PPARG: variants seen among roughly 807,000 people sequenced by gnomAD.
PPARG encodes the protein peroxisome proliferator activated receptor gamma, also known as peroxisome proliferator-activated receptor gamma.
A neutral mutation model predicts 39.2 loss-of-function variants in PPARG; 17 were observed. The observed-to-expected ratio is 0.43, with a 90% CI of 0.30 to 0.65. The LOEUF (loss-of-function observed/expected upper bound fraction) is 0.65, where lower values mean the gene tolerates loss of function less well. PPARG is among the 30% of genes least tolerant of loss of function. PPARG has a pLI of 0.13. For missense variants in PPARG, 406 were observed against 585.9 expected (o/e 0.69, Z 3.17); for synonymous variants, 223 against 215.7 (o/e 1.03, Z -0.30).
intron 4 of PPARG, among the ~76,000 whole-genome samples, chr3:12,387,596 C>A (rs1169700169): frequency 3.3e-5 from 5 of 152,018 alleles, no homozygotes; most frequent in Non-Finnish European, 4.4e-5. Flanking sequence ...TGTTTAAGTT[C>A]TTTGTAGATT....
chr3:12,432,039 C>G (rs2125319907), intron 7 of PPARG, among the ~76,000 whole-genome samples: 1 of 152,052 alleles, frequency 6.6e-6, no homozygotes, highest in Middle Eastern at 3.4e-3. Flanking sequence ...TAAAACTTTA[C>G]CATATAAGTA....
At chr3:12,375,581 A>G (rs548824972) in intron 2 of PPARG, among the ~76,000 whole-genome samples, 47 of 152,364 alleles carry the variant, frequency 3.1e-4, no homozygotes, top group African/African-American at 1.0e-3. Flanking sequence ...AAAATAAGTT[A>G]TACTAAGAAA....
intron 2 of PPARG, among the ~76,000 whole-genome samples, chr3:12,352,712 T>C (rs879483707): frequency 6.6e-6 from 1 of 152,228 alleles, no homozygotes; most frequent in African/African-American, 2.4e-5. Flanking sequence ...AACATATTAG[T>C]CACCGTTTTT....
At chr3:12,291,017 G>A (rs542693253) in intron 1 of PPARG, among the ~76,000 whole-genome samples, 2 of 152,210 alleles carry the variant, frequency 1.3e-5, no homozygotes, top group South Asian at 4.1e-4. Flanking sequence ...TGCTGGATTC[G>A]TTGTCACTTG....
intron 1 of PPARG, among the ~76,000 whole-genome samples, 198 bp downstream of exon 1, chr3:12,289,332 A>C (rs1042122272): frequency 2.0e-5 from 3 of 152,252 alleles, no homozygotes; most frequent in Admixed American, 6.5e-5. Flanking sequence ...AGTCAAAAAT[A>C]GTCGTCTGCC....
In PPARG at chr3:12,416,701, C is replaced by T; in HGVS notation, c.730-3C>T. The stretch of plus-strand genomic sequence containing the variant: ...ATCCACGTTTTCCCTGTTTTATTTG[C>T]AGCCATTCGTTATCTATGACATGAA... On this transcript the variant is annotated splice_region_variant and splice_polypyrimidine_tract_variant and intron_variant, in intron 6 of 7. Transcript: ENST00000651735. The T allele has an allele frequency of 6.2e-7, 1 of 1,612,702 alleles. No homozygotes were observed. The highest frequency in any genetic ancestry group is 1.1e-5 in the South Asian group (1 of 90,900).
At chr3:12,350,458 A>T (rs1575037965) in intron 2 of PPARG, among the ~76,000 whole-genome samples, 1 of 152,190 alleles carries the variant, frequency 6.6e-6, no homozygotes, top group Admixed American at 6.5e-5. Context: ...GAATATCACG[A>T]TAAGTATAAT....
At chr3:12,331,953 A>G (rs1238168952) in intron 2 of PPARG, among the ~76,000 whole-genome samples, 1 of 152,210 alleles carries the variant, frequency 6.6e-6, no homozygotes, top group Non-Finnish European at 1.5e-5. Flanking sequence ...ATTTCTATGT[A>G]GTGTCAAGGT....
chr3:12,418,282 C>T (rs1053155390), intron 7 of PPARG, among the ~76,000 whole-genome samples: 4 of 152,142 alleles, frequency 2.6e-5, no homozygotes, highest in Non-Finnish European at 2.9e-5. Context: ...ACATTACTTT[C>T]ATTAGCCTCT....
At chr3:12,299,154 G>A (rs73132902) in intron 1 of PPARG, among the ~76,000 whole-genome samples, 58 of 152,152 alleles carry the variant, frequency 3.8e-4, no homozygotes, top group African/African-American at 9.9e-4. Context: ...TTTAAATGAA[G>A]ATTTATTCAA....
upstream of PPARG, chr3:12,288,988 G>A (rs2046579926): frequency 6.6e-6 from 1 of 152,398 alleles, no homozygotes; most frequent in South Asian, 2.1e-4. Flanking sequence ...GGTGTTTAGG[G>A]AGGAGCCTAA....
chr3:12,300,874 T>C (rs1424665426), intron 1 of PPARG, among the ~76,000 whole-genome samples: 4 of 152,216 alleles, frequency 2.6e-5, no homozygotes, highest in Non-Finnish European at 4.4e-5. Context: ...CTTCCCTAAT[T>C]CCCAGCCAAA....
At chr3:12,411,767 C>T (rs1292918869) in intron 6 of PPARG, among the ~76,000 whole-genome samples, 9 of 151,150 alleles carry the variant, frequency 6.0e-5, no homozygotes, top group African/African-American at 1.7e-4. Context: ...AAGAGGGAAA[C>T]GGGAACAACA....
intron 2 of PPARG, among the ~76,000 whole-genome samples, chr3:12,317,236 A>C (rs1357321429): frequency 6.6e-6 from 1 of 152,218 alleles, no homozygotes; most frequent in Non-Finnish European, 1.5e-5. Context: ...TGGAACTGAG[A>C]TTAGGAACGA....
At chr3:12,391,189 CA>C (rs1376852235) in intron 4 of PPARG, among the ~76,000 whole-genome samples, 14 of 152,084 alleles carry the variant, frequency 9.2e-5, no homozygotes, top group African/African-American at 2.9e-4. Context: ...GGATTCCATC[CA>C]GGGGTATAAG....
chr3:12,401,456 T>C lies in PPARG; in HGVS notation c.530-4426T>C, dbSNP rs139600536. ...CAATAAAAGCTGTGTTTGTTAAGCA[T>C]TGCCATGCACCTAGCACTGTGTTAA... is the stretch of plus-strand genomic sequence containing the variant. On this transcript the variant is annotated intron_variant, in intron 5 of 7. Coordinates refer to ENST00000651735, the MANE Select transcript of PPARG (RefSeq NM_138711.6). 2.4e-3 allele frequency among the ~76,000 whole-genome samples: 358 copies of C among 152,318 alleles called. 3 individuals carry two copies. Among genetic ancestry groups the C allele is most frequent in the Non-Finnish European group, 4.2e-3 (286 of 68,026 alleles).
intron 2 of PPARG, among the ~76,000 whole-genome samples, chr3:12,313,381 A>C (rs1323640813): frequency 1.3e-5 from 2 of 152,156 alleles, no homozygotes; most frequent in Non-Finnish European, 1.5e-5. Flanking sequence ...ATACAGGCTG[A>C]GCATCCCAAA....
chr3:12,425,297 T>G (rs2051401169), intron 7 of PPARG, among the ~76,000 whole-genome samples: 1 of 152,174 alleles, frequency 6.6e-6, no homozygotes, highest in Non-Finnish European at 1.5e-5. Flanking sequence ...TAGACCATAT[T>G]TAGAGAGCGT....
intron 4 of PPARG, among the ~76,000 whole-genome samples, chr3:12,382,993 G>GTAAA (rs1245711125): frequency 2.6e-5 from 4 of 152,036 alleles, no homozygotes; most frequent in Admixed American, 6.6e-5. Context: ...AAATAAATAA[G>GTAAA]TAAATAAATA....
Sources: allele counts gnomAD v4.1 joint callset (sites outside exome capture counted in the v4.1 genomes callset), GRCh38; gene constraint gnomAD v4.1.1; transcripts MANE v1.5; gene names NCBI Gene and HGNC (gene_info 2026-07-23, HGNC 2026-07-21).